Variants in RORA observed in about 807,000 individuals in gnomAD.
RORA encodes RAR related orphan receptor A, also known as nuclear receptor ROR-alpha.
In RORA, 7 loss-of-function variants were observed where a neutral mutation model predicts 69.5. The ratio of observed to expected loss-of-function variants is 0.10; its 90% CI spans 0.06 to 0.19. The LOEUF is 0.19. Ranked by LOEUF, RORA falls within the 10% of genes least tolerant of loss-of-function variation. RORA has a pLI of 1.00. For synonymous variants in RORA, 261 were observed against 240.8 expected, an observed-to-expected ratio of 1.08 and a Z score of -0.78; for missense variants, 457 against 663.0, an observed-to-expected ratio of 0.69 and a Z score of 3.41.
chr15:61,023,482 A>G (rs569889498), intron 1 of RORA, among the ~76,000 whole-genome samples: 147 of 152,266 alleles, frequency 9.7e-4, no homozygotes, highest in Non-Finnish European at 1.7e-3. Flanking sequence ...CATGATTCAA[A>G]TTATTTCCTA....
At chr15:60,774,225 G>T (rs2072125716) in intron 1 of RORA, among the ~76,000 whole-genome samples, 1 of 152,178 alleles carries the variant, frequency 6.6e-6, no homozygotes, top group South Asian at 2.1e-4. Context: ...CTCTGAATGG[G>T]TTGGCTTTTG....
intron 2 of RORA, among the ~76,000 whole-genome samples, chr15:60,617,732 T>G (rs1335735548): frequency 1.3e-5 from 2 of 151,110 alleles, no homozygotes; most frequent in Non-Finnish European, 3.0e-5. Flanking sequence ...GTGAGCTTCT[T>G]CTCAGCCTGG....
chr15:61,108,593 C>T (rs575302614), intron 1 of RORA, among the ~76,000 whole-genome samples: 85 of 152,278 alleles, frequency 5.6e-4, no homozygotes, highest in African/African-American at 2.0e-3. Context: ...TACTGTATGG[C>T]CATTTACGGA....
chr15:61,049,315 G>A (rs556730720), intron 1 of RORA, among the ~76,000 whole-genome samples: 17 of 152,102 alleles, frequency 1.1e-4, no homozygotes, highest in African/African-American at 3.9e-4. Context: ...ATATCCCCCC[G>A]TCTAACATCC....
At chr15:60,921,551 T>TAG (rs1333838686) in intron 1 of RORA, among the ~76,000 whole-genome samples, 1 of 152,140 alleles carries the variant, frequency 6.6e-6, no homozygotes, top group African/African-American at 2.4e-5. Context: ...GGTCATGAGG[T>TAG]GGTTTTGGAG....
intron 1 of RORA, among the ~76,000 whole-genome samples, chr15:61,127,201 A>C (rs933948031): frequency 2.0e-5 from 3 of 152,202 alleles, no homozygotes; most frequent in African/African-American, 7.2e-5. Flanking sequence ...GTGTGTGTTA[A>C]ACAATGCTTG....
intron 1 of RORA, among the ~76,000 whole-genome samples, chr15:60,814,400 T>G (rs997669429): frequency 6.6e-6 from 1 of 152,188 alleles, no homozygotes; most frequent in South Asian, 2.1e-4. Context: ...TCTTTCCAGA[T>G]GGAGCTTCCT....
intron 1 of RORA, among the ~76,000 whole-genome samples, chr15:61,224,639 G>A (rs1442509808): frequency 6.6e-6 from 1 of 152,196 alleles, no homozygotes; most frequent in Non-Finnish European, 1.5e-5. Flanking sequence ...ACATGTCCAA[G>A]GAAAAGAACC....
At chr15:60,767,723 C>A (rs1181451016) in intron 1 of RORA, among the ~76,000 whole-genome samples, 1 of 152,234 alleles carries the variant, frequency 6.6e-6, no homozygotes, top group Non-Finnish European at 1.5e-5. Context: ...TCCCTGTCCT[C>A]ACCTTCTCTT....
chr15:61,027,968 T>C (rs1895921217), intron 1 of RORA, among the ~76,000 whole-genome samples: 2 of 152,186 alleles, frequency 1.3e-5, no homozygotes, highest in Non-Finnish European at 2.9e-5. Flanking sequence ...CTACTGCCAT[T>C]ATAGCTAACC....
chr15:60,659,980 C>T (rs909454719), intron 2 of RORA, among the ~76,000 whole-genome samples: 2 of 152,172 alleles, frequency 1.3e-5, no homozygotes, highest in South Asian at 2.1e-4. Flanking sequence ...AAAACCACTA[C>T]CACGACAGTA....
At chr15:60,716,187 T>C (rs1350467320) in intron 1 of RORA, among the ~76,000 whole-genome samples, 1 of 152,186 alleles carries the variant, frequency 6.6e-6, no homozygotes, top group Admixed American at 6.5e-5. Context: ...AAACTTTGAG[T>C]AGCAAGATTC....
intron 1 of RORA, among the ~76,000 whole-genome samples, chr15:61,010,339 T>A (rs887677796): frequency 6.6e-6 from 1 of 152,188 alleles, no homozygotes; most frequent in African/African-American, 2.4e-5. Flanking sequence ...ATCTGAGATG[T>A]CCCTGAAGTG....
chr15:60,616,494 T>C (rs1393785727), intron 2 of RORA, among the ~76,000 whole-genome samples: 1 of 152,164 alleles, frequency 6.6e-6, no homozygotes, highest in Non-Finnish European at 1.5e-5. Flanking sequence ...AACCAAAAGT[T>C]AGAAAATATT....
intron 2 of RORA, among the ~76,000 whole-genome samples, chr15:60,618,079 G>T (rs1215425869): frequency 6.6e-6 from 1 of 152,194 alleles, no homozygotes; most frequent in Non-Finnish European, 1.5e-5. Flanking sequence ...CCACAGATAA[G>T]GTGTTAAACA....
At chr15:60,696,539 C>A in intron 1 of RORA, among the ~76,000 whole-genome samples, 1 of 152,188 alleles carries the variant, frequency 6.6e-6, no homozygotes, top group East Asian at 1.9e-4. Flanking sequence ...CTCTACCCTC[C>A]TTTTCTCCCA....
intron 1 of RORA, among the ~76,000 whole-genome samples, chr15:60,945,220 T>C (rs1892834995): frequency 6.6e-6 from 1 of 152,006 alleles, no homozygotes; most frequent in Non-Finnish European, 1.5e-5. Flanking sequence ...ACTGCACAAA[T>C]CATGGGAAAG....
intron 1 of RORA, among the ~76,000 whole-genome samples, chr15:61,095,105 T>C (rs1486196868): frequency 6.6e-6 from 1 of 152,120 alleles, no homozygotes; most frequent in African/African-American, 2.4e-5. Flanking sequence ...AGAATGTCCT[T>C]TGGGTGTAAA....
intron 1 of RORA, among the ~76,000 whole-genome samples, chr15:61,094,660 T>C (rs150423017): frequency 2.5e-4 from 38 of 152,234 alleles, no homozygotes; most frequent in South Asian, 8.3e-4. Context: ...CCAGCACAGA[T>C]AGGAAAGATC....
Sources: gnomAD v4.1 joint callset for allele counts (sites outside exome capture counted in the v4.1 genomes callset) on GRCh38, gnomAD v4.1.1 for gene constraint, MANE v1.5 for transcripts, NCBI Gene and HGNC (gene_info 2026-07-23, HGNC 2026-07-21) for gene names.